Variants in DOCK3 observed in about 807,000 individuals in gnomAD.
DOCK3 encodes dedicator of cytokinesis 3, also known as dedicator of cytokinesis protein 3.
In DOCK3, 60 loss-of-function variants were observed where a neutral mutation model predicts 265.6. The observed-to-expected ratio is 0.23, with a 90% CI of 0.18 to 0.28. The LOEUF is 0.28. Ranked by LOEUF, DOCK3 falls within the 10% of genes least tolerant of loss-of-function variation. The pLI, the probability that DOCK3 is intolerant of heterozygous loss-of-function variation, is 1.00. For synonymous variants in DOCK3, 881 were observed against 938.0 expected (o/e 0.94, Z 1.11); for missense variants, 1,981 against 2,594.3 (o/e 0.76, Z 5.14).
chr3:50,942,618 T>G (rs1173994898), intron 5 of DOCK3, among the ~76,000 whole-genome samples: 1 of 152,058 alleles, frequency 6.6e-6, no homozygotes, highest in Non-Finnish European at 1.5e-5. Context: ...TTAACTTGGC[T>G]GTAGTTTAGA....
chr3:51,311,867 TC>T, intron 28 of DOCK3, 136 bp from the exon 29 acceptor site: 1 of 584,550 alleles, frequency 1.7e-6, no homozygotes, highest in Non-Finnish European at 2.9e-6. Context: ...ATTTTCTCTT[TC>T]CTTTATAGTC....
intron 4 of DOCK3, among the ~76,000 whole-genome samples, chr3:50,901,443 T>G (rs373942476): frequency 2.0e-5 from 3 of 149,734 alleles, no homozygotes; most frequent in South Asian, 4.2e-4. Context: ...GCTAGACCAC[T>G]TGGCTCTCTG....
chr3:51,011,956 A>G (rs1397379052), intron 5 of DOCK3, among the ~76,000 whole-genome samples: 2 of 152,156 alleles, frequency 1.3e-5, no homozygotes, highest in African/African-American at 4.8e-5. Flanking sequence ...CTGAATAGCA[A>G]ATGTCGCTGC....
chr3:50,929,211 T>C (rs952305568), intron 4 of DOCK3, among the ~76,000 whole-genome samples: 7 of 152,234 alleles, frequency 4.6e-5, no homozygotes, highest in South Asian at 2.1e-4. Context: ...TTCCTCTCTC[T>C]GTTTCTGCCT....
intron 2 of DOCK3, among the ~76,000 whole-genome samples, chr3:50,814,683 A>C (rs1375458056): frequency 6.6e-6 from 1 of 152,162 alleles, no homozygotes; most frequent in African/African-American, 2.4e-5. Flanking sequence ...TTAAAACCGG[A>C]CTATAAAATG....
chr3:50,676,675 A>T (rs1187204302), intron 1 of DOCK3, among the ~76,000 whole-genome samples: 1 of 100,274 alleles, frequency 1.0e-5, no homozygotes, highest in African/African-American at 4.0e-5. Context: ...GCACCCCATG[A>T]TTGATTTTTT....
chr3:50,963,245 C>T (rs2076940672), intron 5 of DOCK3, among the ~76,000 whole-genome samples: 1 of 152,108 alleles, frequency 6.6e-6, no homozygotes, highest in African/African-American at 2.4e-5. Flanking sequence ...AATGTATATC[C>T]AGACCATCTT....
At chr3:51,253,020 ATT>A (rs1417785897) in intron 22 of DOCK3, among the ~76,000 whole-genome samples, 1 of 152,192 alleles carries the variant, frequency 6.6e-6, no homozygotes, top group African/African-American at 2.4e-5. Flanking sequence ...AGCTCGTATT[ATT>A]TTGAGATACG....
chr3:50,698,963 C>T (rs935487136), intron 1 of DOCK3, among the ~76,000 whole-genome samples: 3 of 152,022 alleles, frequency 2.0e-5, no homozygotes, highest in South Asian at 4.1e-4. Flanking sequence ...TTTTTCACTT[C>T]GTTGGTAGTT....
intron 2 of DOCK3, among the ~76,000 whole-genome samples, chr3:50,823,930 G>C (rs550724937): frequency 6.6e-6 from 1 of 152,360 alleles, no homozygotes; most frequent in Non-Finnish European, 1.5e-5. Context: ...GTAGTCTTGT[G>C]AAATATTACT....
chr3:51,135,683 C>T (rs574397833), intron 9 of DOCK3, among the ~76,000 whole-genome samples: 5 of 152,232 alleles, frequency 3.3e-5, no homozygotes, highest in African/African-American at 1.2e-4. Context: ...CATGGCACCT[C>T]TGGCCAGCTA....
At chr3:51,059,379 C>T (rs1349531561) in intron 5 of DOCK3, among the ~76,000 whole-genome samples, 1 of 151,442 alleles carries the variant, frequency 6.6e-6, no homozygotes, top group South Asian at 2.1e-4. Flanking sequence ...GACATTTGGA[C>T]CATAGCACAC....
chr3:51,004,993 T>G (rs970368911), intron 5 of DOCK3, among the ~76,000 whole-genome samples: 1 of 151,278 alleles, frequency 6.6e-6, no homozygotes, highest in Non-Finnish European at 1.5e-5. Flanking sequence ...CAACTAAGTC[T>G]TATTATTTCT....
intron 1 of DOCK3, among the ~76,000 whole-genome samples, chr3:50,713,625 A>G (rs937447398): frequency 4.0e-5 from 6 of 151,476 alleles, no homozygotes; most frequent in African/African-American, 1.2e-4. Context: ...GTTACTGTCT[A>G]TAGTCTGATA....
At chr3:50,787,001 G>A in intron 2 of DOCK3, 1 of 741,946 alleles carries the variant, frequency 1.3e-6, no homozygotes, top group South Asian at 1.4e-5. Context: ...ATGAGCCATG[G>A]CATAGAATTT....
intron 24 of DOCK3, among the ~76,000 whole-genome samples, chr3:51,273,354 C>G (rs2080619919): frequency 6.6e-6 from 1 of 152,110 alleles, no homozygotes; most frequent in Non-Finnish European, 1.5e-5. Flanking sequence ...ACAAACAGCA[C>G]CAAAATTTCA....
At position 51,249,491 on chromosome 3, in the gene DOCK3, G is replaced by A. The variant is rs1336698485; in HGVS notation, c.2184+2684G>A. Among the ~76,000 whole-genome samples, 8 of 101,220 alleles carry A rather than the reference G, an allele frequency of 7.9e-5. 1 individual carries two copies. Among genetic ancestry groups the A allele is most frequent in the Non-Finnish European group, 4.2e-5 (2 of 47,692 alleles). 66.4% of individuals were successfully genotyped at this position (101,220 alleles called of 152,430 possible). ...CTCTGCCCAGCCAGCCGCCCCATCC[G>A]GGAGGGAGGTGGGGGGGTCAGCTCC... On this transcript the variant is annotated intron_variant, in intron 22 of 52. Transcript: ENST00000266037.
intron 5 of DOCK3, among the ~76,000 whole-genome samples, chr3:51,054,141 AAAAAAG>A: frequency 6.6e-6 from 1 of 151,596 alleles, no homozygotes; most frequent in Non-Finnish European, 1.5e-5. Flanking sequence ...AAAAAAAAAA[AAAAAAG>A]AGTTTGTGGG....
chr3:51,242,968 A>G (rs2078674956), intron 21 of DOCK3, among the ~76,000 whole-genome samples: 1 of 152,066 alleles, frequency 6.6e-6, no homozygotes, highest in Non-Finnish European at 1.5e-5. Context: ...CCCATCAAGC[A>G]TGGTCTGTGT....
Sources: allele counts gnomAD v4.1 joint callset (sites outside exome capture counted in the v4.1 genomes callset), GRCh38; gene constraint gnomAD v4.1.1; transcripts MANE v1.5; gene names NCBI Gene and HGNC (gene_info 2026-07-23, HGNC 2026-07-21).